Variants in DENND1B observed in about 807,000 individuals in gnomAD.
The protein encoded by DENND1B is DENN domain containing 1B.
A neutral mutation model predicts 90.1 loss-of-function variants in DENND1B; 59 were observed. The ratio of observed to expected loss-of-function variants is 0.65; its 90% CI spans 0.53 to 0.81. DENND1B has a LOEUF of 0.81. DENND1B is among the 40% of genes least tolerant of loss of function. The pLI, the probability that DENND1B is intolerant of heterozygous loss-of-function variation, is 0.00. For missense variants in DENND1B, 862 were observed against 912.6 expected (o/e 0.94, Z 0.71); for synonymous variants, 337 against 324.6 (o/e 1.04, Z -0.41).
At chr1:197,575,805 C>A (rs1484505801) in intron 15 of DENND1B, among the ~76,000 whole-genome samples, 1 of 152,070 alleles carries the variant, frequency 6.6e-6, no homozygotes, top group East Asian at 1.9e-4. Context: ...AGCTGGAAAC[C>A]ATCACTCTCA....
intron 3 of DENND1B, among the ~76,000 whole-genome samples, chr1:197,680,202 T>C (rs1656536536): frequency 3.0e-5 from 3 of 99,124 alleles, no homozygotes; most frequent in African/African-American, 1.0e-4. Context: ...CCCAGCTCTA[T>C]CTAAGAAAAA....
chr1:197,752,835 T>G (rs1239571065), intron 2 of DENND1B, among the ~76,000 whole-genome samples: 1 of 151,922 alleles, frequency 6.6e-6, no homozygotes, highest in Non-Finnish European at 1.5e-5. Flanking sequence ...CCACCCTGTG[T>G]CCAAGTGTTC....
chr1:197,557,507 T>C (rs549300271), intron 15 of DENND1B, among the ~76,000 whole-genome samples: 1 of 152,030 alleles, frequency 6.6e-6, no homozygotes, highest in Non-Finnish European at 1.5e-5. Flanking sequence ...AACCTTGTGA[T>C]TTGAGCCAAC....
intron 2 of DENND1B, among the ~76,000 whole-genome samples, chr1:197,743,328 G>A (rs934017392): frequency 6.6e-6 from 1 of 152,122 alleles, no homozygotes; most frequent in African/African-American, 2.4e-5. Context: ...GTTTCCTAGT[G>A]CATATAAAAG....
intron 2 of DENND1B, chr1:197,735,169 A>G: frequency 7.0e-6 from 7 of 993,862 alleles, no homozygotes; most frequent in Non-Finnish European, 8.4e-6. Flanking sequence ...AAAGGTACAA[A>G]AAACAATATT....
chr1:197,544,153 G>A lies in DENND1B; in HGVS notation c.1350+1769C>T, dbSNP rs772138797. ...GAAGGTCCTACAGATACAAAAATACGTATATAAACATTTTTGTGTAGGGTT... is the reference window on the plus strand; with the variant it reads ...GAAGGTCCTACAGATACAAAAATACATATATAAACATTTTTGTGTAGGGTT... On this transcript the variant is annotated intron_variant, in intron 18 of 22. Coordinates refer to ENST00000620048, the MANE Select transcript of DENND1B (RefSeq NM_001195215.2). Among the ~76,000 whole-genome samples the A allele has an allele frequency of 7.9e-5, 12 of 152,236 alleles. 1 individual carries two copies. Among genetic ancestry groups the A allele is most frequent in the African/African-American group, 1.7e-4 (7 of 41,536 alleles).
intron 2 of DENND1B, among the ~76,000 whole-genome samples, chr1:197,745,887 T>A (rs1461003767): frequency 4.6e-5 from 7 of 151,992 alleles, no homozygotes; most frequent in East Asian, 1.9e-4. Context: ...ACAAAAAAAA[T>A]TAGTAAATTG....
chr1:197,615,486 A>G (rs1677565210), intron 11 of DENND1B, among the ~76,000 whole-genome samples: 1 of 151,082 alleles, frequency 6.6e-6, no homozygotes, highest in Non-Finnish European at 1.5e-5. Flanking sequence ...TAGCAAAGAT[A>G]TATCTTTTCC....
intron 2 of DENND1B, among the ~76,000 whole-genome samples, chr1:197,729,992 G>A (rs1278220371): frequency 1.3e-5 from 2 of 152,008 alleles, no homozygotes; most frequent in African/African-American, 2.4e-5. Context: ...TACGAAAAAA[G>A]TTCTGACCTC....
At chr1:197,668,292 A>T (rs1442340817) in intron 5 of DENND1B, among the ~76,000 whole-genome samples, 3 of 151,844 alleles carry the variant, frequency 2.0e-5, no homozygotes, top group Non-Finnish European at 2.9e-5. Context: ...ATTAAGAATT[A>T]TGTGCCAGGC....
At chr1:197,765,556 G>C (rs1448237040) in intron 2 of DENND1B, among the ~76,000 whole-genome samples, 2 of 152,150 alleles carry the variant, frequency 1.3e-5, no homozygotes, top group Non-Finnish European at 2.9e-5. Flanking sequence ...CTGAAAATGA[G>C]AGAATATTAT....
intron 13 of DENND1B, among the ~76,000 whole-genome samples, chr1:197,599,068 T>C (rs575739400): frequency 6.6e-6 from 1 of 151,858 alleles, no homozygotes; most frequent in South Asian, 2.1e-4. Flanking sequence ...TTACCACCAA[T>C]TCCCCACTTT....
At chr1:197,774,826 G>T (rs933778541) in intron 1 of DENND1B, among the ~76,000 whole-genome samples, 2 of 152,218 alleles carry the variant, frequency 1.3e-5, no homozygotes, top group Non-Finnish European at 2.9e-5. Flanking sequence ...GAACCCCTCA[G>T]CGGCGGTGTC....
In DENND1B at chr1:197,568,593, C is replaced by T. The variant is rs558912746; in HGVS notation, c.1149+14559G>A. Among the ~76,000 whole-genome samples, 30 of 152,186 alleles carry T rather than the reference C, an allele frequency of 2.0e-4. No homozygotes were observed. The South Asian group carries it at 6.2e-3, about 32-fold the overall frequency. On this transcript the variant is annotated intron_variant, in intron 15 of 22. Coordinates refer to ENST00000620048, the MANE Select transcript of DENND1B (RefSeq NM_001195215.2). The stretch of plus-strand genomic sequence containing the variant: ...CTGGAGACATCACATTATCTGATCT[C>T]AAAATATACTATGAAGCCATAATAA...
intron 20 of DENND1B, among the ~76,000 whole-genome samples, chr1:197,529,234 ATATATATATGTG>A (rs1401639960): frequency 4.7e-3 from 56 of 11,968 alleles, no homozygotes; most frequent in South Asian, 0.01. Context: ...ATATATATAT[ATATATATATGTG>A]TGTGTGTGTG....
intron 2 of DENND1B, among the ~76,000 whole-genome samples, chr1:197,762,238 C>T (rs746967669): frequency 1.8e-4 from 28 of 151,824 alleles, no homozygotes; most frequent in East Asian, 3.9e-4. Flanking sequence ...ATAACTTCCA[C>T]GAGACAGACA....
intron 14 of DENND1B, 74 bp from the exon 15 acceptor site, chr1:197,583,327 T>A: frequency 1.5e-6 from 2 of 1,371,836 alleles, no homozygotes; most frequent in Non-Finnish European, 2.1e-6. Context: ...TAAATAGGTA[T>A]GTGAAGAGTG....
At chr1:197,602,858 T>C (rs1676328602) in intron 13 of DENND1B, among the ~76,000 whole-genome samples, 2 of 151,456 alleles carry the variant, frequency 1.3e-5, no homozygotes, top group Admixed American at 1.3e-4. Flanking sequence ...TTTCTCCAGT[T>C]CTTACATGCT....
intron 15 of DENND1B, among the ~76,000 whole-genome samples, chr1:197,576,216 T>C (rs1673673918): frequency 6.6e-6 from 1 of 152,210 alleles, no homozygotes; most frequent in Non-Finnish European, 1.5e-5. Flanking sequence ...TGGTGTAGTA[T>C]GGCATAGACA....
Sources: gnomAD v4.1 joint callset for allele counts (sites outside exome capture counted in the v4.1 genomes callset) on GRCh38, gnomAD v4.1.1 for gene constraint, MANE v1.5 for transcripts, NCBI Gene and HGNC (gene_info 2026-07-23, HGNC 2026-07-21) for gene names.